The following CEP164 variants were observed in gnomAD, a reference collection of about 807,000 sequenced individuals.
CEP164 encodes centrosomal protein of 164 kDa.
In CEP164, 162 loss-of-function variants were observed where a neutral mutation model predicts 182.7. The observed-to-expected ratio is 0.89, with a 90% CI of 0.78 to 1.01. The LOEUF is 1.01. CEP164 is among the 50% of genes least tolerant of loss of function. CEP164 has a pLI of 0.00. For synonymous variants in CEP164, 661 were observed against 690.0 expected, an observed-to-expected ratio of 0.96 and a Z score of 0.66; for missense variants, 1,735 against 1,790.4, an observed-to-expected ratio of 0.97 and a Z score of 0.56.
At chr11:117,348,850 T>C (rs1274453311) in intron 4 of CEP164, among the ~76,000 whole-genome samples, 1 of 152,216 alleles carries the variant, frequency 6.6e-6, no homozygotes, top group African/African-American at 2.4e-5. Flanking sequence ...GCTCAATGAA[T>C]TTGCCTATTC....
In CEP164 at chr11:117,395,625, C is replaced by A. The variant is rs1323529877; in HGVS notation, c.2992C>A (p.Arg998=). 6.2e-7 allele frequency: 1 copy of A among 1,613,918 alleles called. No individual in the cohort carries two copies. Among genetic ancestry groups the A allele is most frequent in the Admixed American group, 1.7e-5 (1 of 60,020 alleles). Residue 998 remains arginine (R), a synonymous_variant, in exon 24 of 33, where the codon CGA becomes AGA. Transcript: ENST00000278935. ...THLLQSNQQL[R]EILDELQARK... Reference sequence around the variant, plus strand: ...CCTGTTGCAGTCAAACCAGCAGCTCCGAGAAATTCTTGATGAGCTGCAGGC... The same window carrying A: ...CCTGTTGCAGTCAAACCAGCAGCTCAGAGAAATTCTTGATGAGCTGCAGGC...
At chr11:117,350,264 G>A (rs2039456789) in intron 4 of CEP164, among the ~76,000 whole-genome samples, 1 of 151,690 alleles carries the variant, frequency 6.6e-6, no homozygotes, top group African/African-American at 2.4e-5. Context: ...GTGCAGTGGT[G>A]TGATCATAGC....
intron 15 of CEP164, 116 bp from the exon 16 acceptor site, chr11:117,390,661 T>G: frequency 7.5e-7 from 1 of 1,333,892 alleles, no homozygotes; most frequent in East Asian, 2.3e-5. Context: ...AAAAAAAGAT[T>G]TAGGAAGTTT....
intron 9 of CEP164, among the ~76,000 whole-genome samples, chr11:117,372,417 G>C (rs1451409365): frequency 6.9e-6 from 1 of 144,492 alleles, no homozygotes; most frequent in Non-Finnish European, 1.5e-5. Flanking sequence ...GGCTCCCCTT[G>C]TACTTCTTTT....
Position 117,409,164 on chromosome 11 carries a change from G to A in CEP164, c.3748+136G>A, listed in dbSNP as rs186618531. 2.7e-4 allele frequency: 318 copies of A among 1,188,768 alleles called. No homozygotes were observed. In the African/African-American group the frequency reaches 4.5e-3, roughly 17 times the overall value. 73.6% of individuals were successfully genotyped at this position (1,188,768 alleles called of 1,614,324 possible). A position where few individuals can be genotyped will look rare whatever the true frequency, so the allele number is the denominator to read the frequency against. Reference sequence around the variant, plus strand: ...AGCCGGTGTCTGGACTAGGTGCTCGGTCAGTGCTGGGAAGGAATCACACCA... The same window carrying A: ...AGCCGGTGTCTGGACTAGGTGCTCGATCAGTGCTGGGAAGGAATCACACCA... On this transcript the variant is annotated intron_variant, in intron 29 of 32. Transcript: ENST00000278935. This position sits in a 1 kb window ranked among gnomAD's most constrained non-coding sequence, Gnocchi z 4.4.
chr11:117,326,675 T>C (rs2035468452), upstream of CEP164, among the ~76,000 whole-genome samples: 1 of 152,206 alleles, frequency 6.6e-6, no homozygotes, highest in African/African-American at 2.4e-5. Context: ...ATTTTGATTT[T>C]GATAATTTTC....
At chr11:117,380,733 C>G in intron 12 of CEP164, 28 bp downstream of exon 12, 1 of 1,568,680 alleles carries the variant, frequency 6.4e-7, no homozygotes, top group Non-Finnish European at 8.7e-7. Flanking sequence ...CTATCCCCAG[C>G]GCTGTGCCTT....
chr11:117,360,956 ACAGAGT>A (rs1208916181), intron 5 of CEP164, among the ~76,000 whole-genome samples: 1 of 132,088 alleles, frequency 7.6e-6, no homozygotes, highest in Non-Finnish European at 1.6e-5. Flanking sequence ...TTTTTTTGAG[ACAGAGT>A]CTCGCTCTGT....
chr11:117,359,309 C>G, intron 5 of CEP164: 3 of 638,830 alleles, frequency 4.7e-6, no homozygotes, highest in Non-Finnish European at 5.8e-6. Flanking sequence ...AATGGCAGAG[C>G]CAGTCTCAGG....
chr11:117,340,446 G>A (rs1254561338), intron 3 of CEP164, among the ~76,000 whole-genome samples: 2 of 152,254 alleles, frequency 1.3e-5, no homozygotes, highest in Non-Finnish European at 2.9e-5. Context: ...GGACTTGAGA[G>A]CAGGGTTCAC....
intron 5 of CEP164, chr11:117,356,298 G>A: frequency 9.0e-7 from 1 of 1,112,222 alleles, no homozygotes; most frequent in Non-Finnish European, 1.1e-6. Flanking sequence ...GAGGGCCTGG[G>A]GCTGCCTGAG....
At chr11:117,399,746 C>CT (rs376726375) in intron 27 of CEP164, among the ~76,000 whole-genome samples, 12 of 151,590 alleles carry the variant, frequency 7.9e-5, no homozygotes, top group East Asian at 1.9e-4. Context: ...TGATGATGAG[C>CT]TTTTTTTTTA....
intron 5 of CEP164, 73 bp from the exon 6 acceptor site, chr11:117,361,762 T>C: frequency 6.6e-7 from 1 of 1,518,632 alleles, no homozygotes; most frequent in South Asian, 1.1e-5. Flanking sequence ...ATGTTTTATT[T>C]TTATATCTGT....
chr11:117,397,055 G>A (rs2045569857), intron 26 of CEP164, 36 bp from the exon 27 acceptor site: 1 of 1,586,474 alleles, frequency 6.3e-7, no homozygotes, highest in South Asian at 1.1e-5. Flanking sequence ...AGTTCTTAGA[G>A]GCTTCTGTTT....
Position 117,391,668 on chromosome 11 carries a change from C to G in CEP164, c.2283+453C>G, listed in dbSNP as rs149127946. ...CTCACTCCCCACTTTTCTCTCCTTTCTTAGGATGAGAGGCTAGCAATATAG... is the reference window on the plus strand; with the variant it reads ...CTCACTCCCCACTTTTCTCTCCTTTGTTAGGATGAGAGGCTAGCAATATAG... On this transcript the variant is annotated intron_variant, in intron 17 of 32. Coordinates refer to ENST00000278935, the MANE Select transcript of CEP164 (RefSeq NM_014956.5). Among the ~76,000 whole-genome samples, 4 of 152,286 alleles carry G rather than the reference C, an allele frequency of 2.6e-5. No individual in the cohort carries two copies. The East Asian group carries it at 5.8e-4, about 22-fold the overall frequency.
At chr11:117,408,575 G>T (rs2046974688) in intron 28 of CEP164, 2 of 377,086 alleles carry the variant, frequency 5.3e-6, no homozygotes, top group Non-Finnish European at 1.0e-5. Context: ...CTGCTGTGAG[G>T]CAGCCTGTGT....
rs2047319059 is a variant in CEP164 at position 117,411,212 on chromosome 11, C to G, written c.4163+318C>G. 3 of 345,096 alleles carry G rather than the reference C, an allele frequency of 8.7e-6. No individual in the cohort carries two copies. The highest frequency in any genetic ancestry group is 1.1e-5 in the Non-Finnish European group (2 of 182,726). 21.4% of individuals were successfully genotyped at this position (345,096 alleles called of 1,614,324 possible). ...TGGTGGGACCCTGCCCCCGCCCCTC[C>G]CTCTAGCCCCTCCAGCCCCGGAGTC... On this transcript the variant is annotated intron_variant, in intron 31 of 32. Coordinates refer to ENST00000278935, the MANE Select transcript of CEP164 (RefSeq NM_014956.5). The surrounding 1 kb of genome is among the most constrained non-coding windows in gnomAD (Gnocchi z 4.4).
At chr11:117,346,685 G>A (rs190880910) in intron 4 of CEP164, among the ~76,000 whole-genome samples, 4 of 152,150 alleles carry the variant, frequency 2.6e-5, no homozygotes, top group South Asian at 4.1e-4. Context: ...GCAATGTGGC[G>A]AAACTCTGTC....
At chr11:117,399,880 A>ATAT (rs2045941443) in intron 27 of CEP164, among the ~76,000 whole-genome samples, 1 of 151,974 alleles carries the variant, frequency 6.6e-6, no homozygotes, top group African/African-American at 2.4e-5. Context: ...TAGATTCTGG[A>ATAT]TATTAGCCCT....
Sources: gnomAD v4.1 joint callset for allele counts (sites outside exome capture counted in the v4.1 genomes callset) on GRCh38, gnomAD v4.1.1 for gene constraint, Gnocchi (gnomAD v3.1) non-coding constraint, MANE v1.5 for transcripts, NCBI Gene and HGNC (gene_info 2026-07-23, HGNC 2026-07-21) for gene names.